Variants in CHRM3 observed in about 807,000 individuals in gnomAD.
CHRM3 encodes cholinergic receptor muscarinic 3.
In CHRM3, 11 loss-of-function variants were observed where a neutral mutation model predicts 41.8. The observed-to-expected ratio is 0.26, with a 90% CI of 0.17 to 0.44. CHRM3 has a LOEUF of 0.44. CHRM3 is among the 20% of genes least tolerant of loss of function. The pLI is 1.00. For synonymous variants in CHRM3, 297 were observed against 301.4 expected (o/e 0.99, Z 0.15); for missense variants, 571 against 745.4 (o/e 0.77, Z 2.72).
At chr1:239,701,114 G>A (rs1308302242) in intron 5 of CHRM3, among the ~76,000 whole-genome samples, 1 of 152,106 alleles carries the variant, frequency 6.6e-6, no homozygotes, top group Non-Finnish European at 1.5e-5. Flanking sequence ...CTGACTGATT[G>A]GCAATCCAGT....
chr1:239,889,348 G>GT, intron 6 of CHRM3, among the ~76,000 whole-genome samples: 1 of 152,180 alleles, frequency 6.6e-6, no homozygotes, highest in Non-Finnish European at 1.5e-5. Context: ...ATGCAAGTAG[G>GT]TTTTCTGCCT....
intron 1 of CHRM3, among the ~76,000 whole-genome samples, chr1:239,402,636 T>C (rs1241432985): frequency 1.3e-5 from 2 of 152,114 alleles, no homozygotes; most frequent in African/African-American, 4.8e-5. Flanking sequence ...AAATTTATTC[T>C]CCCTAGCTTG....
chr1:239,666,083 G>T (rs1673768888), intron 4 of CHRM3, among the ~76,000 whole-genome samples: 1 of 152,076 alleles, frequency 6.6e-6, no homozygotes, highest in Non-Finnish European at 1.5e-5. Context: ...AGATCCTTGA[G>T]GAATCACCAC....
intron 1 of CHRM3, among the ~76,000 whole-genome samples, chr1:239,404,400 GA>G (rs1390911524): frequency 1.7e-5 from 1 of 59,002 alleles, no homozygotes; most frequent in African/African-American, 7.1e-5. Context: ...AAGAAAGAAA[GA>G]AAGAAAGAAA....
chr1:239,417,772 A>G (rs376471308), intron 1 of CHRM3, among the ~76,000 whole-genome samples: 1 of 152,284 alleles, frequency 6.6e-6, no homozygotes, highest in East Asian at 1.9e-4. Context: ...ACTAAAGACA[A>G]TTTGAAAAGC....
intron 1 of CHRM3, among the ~76,000 whole-genome samples, chr1:239,490,994 C>T (rs1667515026): frequency 6.6e-6 from 1 of 152,102 alleles, no homozygotes; most frequent in South Asian, 2.1e-4. Flanking sequence ...TTCCCCTTGG[C>T]CTCCCAAGGT....
At chr1:239,725,948 A>G (rs1388223284) in intron 5 of CHRM3, among the ~76,000 whole-genome samples, 5 of 151,972 alleles carry the variant, frequency 3.3e-5, no homozygotes, top group Non-Finnish European at 7.4e-5. Flanking sequence ...AAATGTCTTT[A>G]AACTGCCCCA....
chr1:239,868,579 G>T (rs591490), intron 6 of CHRM3, among the ~76,000 whole-genome samples: 1 of 152,024 alleles, frequency 6.6e-6, no homozygotes, highest in Non-Finnish European at 1.5e-5. Flanking sequence ...AAGCCCATCC[G>T]CCAGCCCTGG....
intron 5 of CHRM3, among the ~76,000 whole-genome samples, chr1:239,789,126 T>C (rs78609938): frequency 0.011 from 1,617 of 152,232 alleles, 30 homozygotes; most frequent in African/African-American, 0.037. Flanking sequence ...GGTGTCTTCG[T>C]TGCACCCATT....
intron 3 of CHRM3, among the ~76,000 whole-genome samples, chr1:239,560,447 C>A (rs932325716): frequency 1.3e-5 from 2 of 152,056 alleles, no homozygotes; most frequent in Non-Finnish European, 2.9e-5. Context: ...TATTTTTATA[C>A]TTTAGACTTA....
chr1:239,510,018 G>A (rs967760377), intron 2 of CHRM3, among the ~76,000 whole-genome samples: 2 of 152,188 alleles, frequency 1.3e-5, no homozygotes, highest in African/African-American at 4.8e-5. Context: ...GAACCTGGGG[G>A]ACGGAGGTTA....
At chr1:239,434,398 A>G (rs1663066511) in intron 1 of CHRM3, among the ~76,000 whole-genome samples, 1 of 152,172 alleles carries the variant, frequency 6.6e-6, no homozygotes, top group Non-Finnish European at 1.5e-5. Flanking sequence ...GATAAACATC[A>G]TCTTCTCTGG....
chr1:239,696,897 GA>G (rs1347411490), intron 5 of CHRM3, among the ~76,000 whole-genome samples: 1 of 152,074 alleles, frequency 6.6e-6, no homozygotes, highest in African/African-American at 2.4e-5. Flanking sequence ...CACTGTAAGG[GA>G]AAAAAACTGT....
chr1:239,490,132 C>T (rs1558262032), intron 1 of CHRM3, among the ~76,000 whole-genome samples: 1 of 152,138 alleles, frequency 6.6e-6, no homozygotes, highest in Non-Finnish European at 1.5e-5. Flanking sequence ...ATAGTAAGTG[C>T]TCAATAATGT....
chr1:239,611,374 A>G lies in CHRM3; in HGVS notation c.-312-20850A>G, dbSNP rs537047704. ...CAAAAGTATAATATTTTGTCAACAG[A>G]CAATCTATTAAACACTGACCAAATC... On this transcript the variant is annotated intron_variant, in intron 3 of 6. Coordinates refer to ENST00000676153, the MANE Select transcript of CHRM3 (RefSeq NM_001375978.1). Among the ~76,000 whole-genome samples the G allele has an allele frequency of 5.9e-5, 9 of 151,540 alleles. No homozygotes were observed. In the East Asian group the frequency reaches 1.5e-3, roughly 26 times the overall value.
Position 239,564,949 on chromosome 1 carries a change from A to G in CHRM3, c.-313+19200A>G, listed in dbSNP as rs909797694. ...CAGAGGCCAAAATCAAGCTTTTAAC[A>G]GGGCTGTGCTGTCCCCGGAGGCTCC... On this transcript the variant is annotated intron_variant, in intron 3 of 6. Coordinates refer to ENST00000676153, the MANE Select transcript of CHRM3 (RefSeq NM_001375978.1). Among the ~76,000 whole-genome samples the G allele has an allele frequency of 3.3e-4, 50 of 152,304 alleles. 1 individual carries two copies. Among genetic ancestry groups the G allele is most frequent in the Admixed American group, 2.8e-3 (43 of 15,290 alleles).
chr1:239,725,652 G>C (rs993623312), intron 5 of CHRM3, among the ~76,000 whole-genome samples: 1 of 151,854 alleles, frequency 6.6e-6, no homozygotes, highest in African/African-American at 2.4e-5. Context: ...TTGATTGGTG[G>C]CCGGGTCATG....
chr1:239,759,518 A>G (rs1666557861), intron 5 of CHRM3, among the ~76,000 whole-genome samples: 2 of 152,184 alleles, frequency 1.3e-5, no homozygotes, highest in South Asian at 4.1e-4. Context: ...AAACTGCAGT[A>G]TTATCCAGCC....
At chr1:239,556,665 A>G (rs1558316507) in intron 3 of CHRM3, among the ~76,000 whole-genome samples, 1 of 152,224 alleles carries the variant, frequency 6.6e-6, no homozygotes. Context: ...TAGACAGATT[A>G]TTGTAATGAC....
Sources: gnomAD v4.1 joint callset for allele counts (sites outside exome capture counted in the v4.1 genomes callset) on GRCh38, gnomAD v4.1.1 for gene constraint, MANE v1.5 for transcripts, NCBI Gene and HGNC (gene_info 2026-07-23, HGNC 2026-07-21) for gene names.